Variants in CLK3 observed in about 807,000 individuals in gnomAD.
CLK3 encodes the protein dual specificity protein kinase CLK3.
Under a neutral mutation model 65.2 loss-of-function variants are expected in CLK3, and 24 were observed. That is an observed-to-expected ratio of 0.37 (90% confidence interval 0.27 to 0.52). CLK3 has a LOEUF of 0.52. Among genes scored for constraint, CLK3 ranks in the 20% least tolerant of loss-of-function variants. The pLI is 0.92. For missense variants in CLK3, 506 were observed against 660.0 expected (o/e 0.77, Z 2.56); for synonymous variants, 252 against 240.8 (o/e 1.05, Z -0.43).
rs999836621 is a variant in CLK3 at position 74,621,791 on chromosome 15, G to T, written c.370-329G>T. 5 of 375,304 alleles carry T rather than the reference G, an allele frequency of 1.3e-5. No individual in the cohort carries two copies. Among genetic ancestry groups the T allele is most frequent in the Non-Finnish European group, 2.1e-5 (4 of 190,644 alleles). 23.2% of individuals were successfully genotyped at this position (375,304 alleles called of 1,614,324 possible). A position where few individuals can be genotyped will look rare whatever the true frequency, so the allele number is the denominator to read the frequency against. ...TCGGGGCGATGGCTCTCCTCACAGC[G>T]TGGCCCTCAGCAGCAGAGGCAGGTC... On this transcript the variant is annotated intron_variant, in intron 3 of 12. Transcript: ENST00000395066. The surrounding 1 kb of genome is among the most constrained non-coding windows in gnomAD (Gnocchi z 4.8).
chr15:74,619,271 C>T lies in CLK3; in HGVS notation c.75C>T (p.Ser25=). 6.2e-7 allele frequency: 1 copy of T among 1,614,174 alleles called. No homozygotes were observed. The highest frequency in any genetic ancestry group is 1.1e-5 in the South Asian group (1 of 91,086). Residue 25 remains serine (S), a synonymous_variant, in exon 2 of 13, where the codon TCC becomes TCT. Transcript: ENST00000395066. ...YLSYRWKRRR[S]YSREHEGRLR... is the part of the protein sequence containing the mutation. ...GCTACCGATGGAAGAGGAGGAGGTC[C>T]TACAGTCGGGAACATGAAGGGAGAC...
intron 1 of CLK3, among the ~76,000 whole-genome samples, chr15:74,610,388 C>T (rs114859900): frequency 6.6e-6 from 1 of 152,298 alleles, no homozygotes; most frequent in African/African-American, 2.4e-5. Flanking sequence ...TCCAGGCAGG[C>T]CAGGGAGCAC....
In CLK3 at chr15:74,622,277, C is replaced by T; in HGVS notation, c.466+61C>T. On this transcript the variant is annotated intron_variant, in intron 4 of 12. Coordinates refer to ENST00000395066, the MANE Select transcript of CLK3 (RefSeq NM_001130028.2). This position sits in a 1 kb window ranked among gnomAD's most constrained non-coding sequence, Gnocchi z 4.6. The stretch of plus-strand genomic sequence containing the variant: ...TTTCTACCCCCCTTGTTAGACGAGA[C>T]CTCTCCTGCCTGGAGGGGCCTCTAG... 1 of 1,507,844 alleles carries T rather than the reference C, an allele frequency of 6.6e-7. No homozygotes were observed. The highest frequency in any genetic ancestry group is 9.1e-7 in the Non-Finnish European group (1 of 1,095,368). The allele number at this position is 1,507,844 out of a possible 1,614,324, so 93.4% of individuals were successfully genotyped here.
rs2062129839 is a variant in CLK3, at chr15:74,624,662, A to G, written c.534-240A>G. ...TTGGGAGCTGGCAGTGGCTGAGAACATAAAAGCCTAAGGATGGCAAGGATG... is the reference window on the plus strand; with the variant it reads ...TTGGGAGCTGGCAGTGGCTGAGAACGTAAAAGCCTAAGGATGGCAAGGATG... On this transcript the variant is annotated intron_variant, in intron 5 of 12. Coordinates refer to ENST00000395066, the MANE Select transcript of CLK3 (RefSeq NM_001130028.2). The surrounding 1 kb of genome is among the most constrained non-coding windows in gnomAD (Gnocchi z 4.2). 3.5e-6 allele frequency: 2 copies of G among 568,166 alleles called. No individual in the cohort carries two copies. Among genetic ancestry groups the G allele is most frequent in the East Asian group, 2.9e-5 (1 of 34,670 alleles). The allele number at this position is 568,166 out of a possible 1,614,324, so 35.2% of individuals were successfully genotyped here.
rs191534908 is a variant in CLK3 at position 74,624,598 on chromosome 15, C to G, written c.534-304C>G. 2.0e-4 allele frequency: 79 copies of G among 400,324 alleles called. No individual in the cohort carries two copies. Among genetic ancestry groups the G allele is most frequent in the African/African-American group, 1.6e-3 (78 of 50,292 alleles). 24.8% of individuals were successfully genotyped at this position (400,324 alleles called of 1,614,324 possible). A position where few individuals can be genotyped will look rare whatever the true frequency, so the allele number is the denominator to read the frequency against. On this transcript the variant is annotated intron_variant, in intron 5 of 12. Transcript: ENST00000395066. This position sits in a 1 kb window ranked among gnomAD's most constrained non-coding sequence, Gnocchi z 4.2. ...CACTGTGTGAGCTCTTGGACTGGCA[C>G]TGGTTAAGCAGGATTGGCCTCTACT...
In CLK3 at chr15:74,627,679, G is replaced by C. The variant is rs762136469; in HGVS notation, c.1042+11G>C. Reference sequence around the variant, plus strand: ...CTGAGGTGATCCTTGGTGAGTGACTGTATGGCCTGTGACCTTGTCATACTG... The same window carrying C: ...CTGAGGTGATCCTTGGTGAGTGACTCTATGGCCTGTGACCTTGTCATACTG... On this transcript the variant is annotated intron_variant, in intron 9 of 12. Coordinates refer to ENST00000395066, the MANE Select transcript of CLK3 (RefSeq NM_001130028.2). This position sits in a 1 kb window ranked among gnomAD's most constrained non-coding sequence, Gnocchi z 4.3. 4 of 1,613,312 alleles carry C rather than the reference G, an allele frequency of 2.5e-6. No individual in the cohort carries two copies. The Admixed American group carries it at 6.7e-5, about 27-fold the overall frequency.
upstream of CLK3, among the ~76,000 whole-genome samples, chr15:74,611,045 A>G (rs1221917746): frequency 3.3e-5 from 5 of 152,134 alleles, no homozygotes; most frequent in East Asian, 9.7e-4. Flanking sequence ...TGGAGCTAAA[A>G]CCAGCCCCTC....
chr15:74,623,350 C>T (rs1003784674), intron 5 of CLK3, among the ~76,000 whole-genome samples: 5 of 152,214 alleles, frequency 3.3e-5, no homozygotes, highest in Non-Finnish European at 7.3e-5. Flanking sequence ...CCATATGTGG[C>T]CCTCTCGCTA....
At chr15:74,625,734 C>T (rs995440473) in intron 6 of CLK3, 68 bp from the exon 7 acceptor site, 9 of 1,563,688 alleles carry the variant, frequency 5.8e-6, no homozygotes, top group African/African-American at 4.1e-5. Context: ...GAACTGTCTT[C>T]ATCTGAGAGA....
At chr15:74,612,666 C>T (rs1427812445), upstream of CLK3, among the ~76,000 whole-genome samples, 1 of 152,216 alleles carries the variant, frequency 6.6e-6, no homozygotes. Flanking sequence ...CTTCTCCCCA[C>T]TGGACAGCTT....
chr15:74,627,082 C>T lies in CLK3; in HGVS notation c.818-270C>T, dbSNP rs753071355. On this transcript the variant is annotated intron_variant, in intron 7 of 12. Transcript: ENST00000395066. This position sits in a 1 kb window ranked among gnomAD's most constrained non-coding sequence, Gnocchi z 4.3. ...TGAGAGACAGGTGAGGAGGCCTGGTCTCTGCAGAGGAGAGGTGGAGGGAGG... is the reference window on the plus strand; with the variant it reads ...TGAGAGACAGGTGAGGAGGCCTGGTTTCTGCAGAGGAGAGGTGGAGGGAGG... 3 of 550,246 alleles carry T rather than the reference C, an allele frequency of 5.5e-6. No individual in the cohort carries two copies. The highest frequency in any genetic ancestry group is 6.9e-6 in the Non-Finnish European group (2 of 288,152). 34.1% of individuals were successfully genotyped at this position (550,246 alleles called of 1,614,324 possible).
upstream of CLK3, among the ~76,000 whole-genome samples, chr15:74,611,299 G>A (rs2061986256): frequency 6.6e-6 from 1 of 152,278 alleles, no homozygotes; most frequent in African/African-American, 2.4e-5. Context: ...GTGGACACCA[G>A]CTCTGGGCAT....
intron 1 of CLK3, 127 bp downstream of exon 1, chr15:74,616,025 TCGGGCCGCGAC>T (rs902615932): frequency 2.7e-6 from 2 of 750,486 alleles, no homozygotes; most frequent in African/African-American, 3.6e-5. Context: ...TCGGCCCATA[TCGGGCCGCGAC>T]CTCTCACCCC....
chr15:74,617,448 C>G (rs1423808633), intron 1 of CLK3, among the ~76,000 whole-genome samples: 1 of 152,232 alleles, frequency 6.6e-6, no homozygotes, highest in African/African-American at 2.4e-5. Context: ...ATATTTAATC[C>G]TCACAGAACC....
chr15:74,619,865 C>G (rs1251004234), intron 2 of CLK3, 144 bp from the exon 3 acceptor site: 1 of 1,365,194 alleles, frequency 7.3e-7, no homozygotes, highest in Non-Finnish European at 9.8e-7. Context: ...TTGCACCCTC[C>G]CCTCTCTGCC....
Position 74,615,915 on chromosome 15 carries a change from G to A in CLK3, c.-1+17G>A. 3 of 1,245,862 alleles carry A rather than the reference G, an allele frequency of 2.4e-6. No homozygotes were observed. Among genetic ancestry groups the A allele is most frequent in the Non-Finnish European group, 3.0e-6 (3 of 995,562 alleles). 77.2% of individuals were successfully genotyped at this position (1,245,862 alleles called of 1,614,324 possible). A position where few individuals can be genotyped will look rare whatever the true frequency, so the allele number is the denominator to read the frequency against. On this transcript the variant is annotated intron_variant, in intron 1 of 12. Transcript: ENST00000395066. ...TGGGAGACGGTAAGTGTGGGCTGGG[G>A]TCCGCGGCGGCGACAGCGGCGGCGG...
rs372584274 is a variant in CLK3 at position 74,627,710 on chromosome 15, T to C, written c.1042+42T>C. The C allele has an allele frequency of 1.2e-6, 2 of 1,611,172 alleles. No individual in the cohort carries two copies. The highest frequency in any genetic ancestry group is 2.7e-5 in the African/African-American group (2 of 74,972). On this transcript the variant is annotated intron_variant, in intron 9 of 12. Transcript: ENST00000395066. The surrounding 1 kb of genome is among the most constrained non-coding windows in gnomAD (Gnocchi z 4.3). ...CCTGTGACCTTGTCATACTGGACTGTTGTTGGGAGGGTATGAGCAGAGGCA... is the reference window on the plus strand; with the variant it reads ...CCTGTGACCTTGTCATACTGGACTGCTGTTGGGAGGGTATGAGCAGAGGCA...
chr15:74,625,256 G>C (rs1361869210), intron 6 of CLK3, among the ~76,000 whole-genome samples: 1 of 152,162 alleles, frequency 6.6e-6, no homozygotes, highest in African/African-American at 2.4e-5. Context: ...GAGCTCACTG[G>C]GTTATGCTGG....
rs943523415 is a variant in CLK3 at position 74,624,097 on chromosome 15, A to C, written c.534-805A>C. The C allele has an allele frequency of 2.0e-5, 3 of 152,244 alleles. No individual in the cohort carries two copies. Among genetic ancestry groups the C allele is most frequent in the Non-Finnish European group, 2.9e-5 (2 of 68,062 alleles). 9.4% of individuals were successfully genotyped at this position (152,244 alleles called of 1,614,324 possible). A position where few individuals can be genotyped will look rare whatever the true frequency, so the allele number is the denominator to read the frequency against. On this transcript the variant is annotated intron_variant, in intron 5 of 12. Coordinates refer to ENST00000395066, the MANE Select transcript of CLK3 (RefSeq NM_001130028.2). This position sits in a 1 kb window ranked among gnomAD's most constrained non-coding sequence, Gnocchi z 4.2. The stretch of plus-strand genomic sequence containing the variant: ...CCACAGTCAGCCTCCCTGAGGCCTC[A>C]GAGGACACGCCCTTCCAGGCTAGGA...
Sources: gnomAD v4.1 joint callset for allele counts (sites outside exome capture counted in the v4.1 genomes callset) on GRCh38, gnomAD v4.1.1 for gene constraint, Gnocchi (gnomAD v3.1) non-coding constraint, MANE v1.5 for transcripts, NCBI Gene and HGNC (gene_info 2026-07-23, HGNC 2026-07-21) for gene names.